PRKG1: variants seen among roughly 807,000 people sequenced by gnomAD.
PRKG1 encodes the protein cGMP-dependent protein kinase 1.
PRKG1 carries 35 observed loss-of-function variants against 88.1 expected under a neutral mutation model. The ratio of observed to expected loss-of-function variants is 0.40; its 90% CI spans 0.30 to 0.53. The LOEUF is 0.53. Among genes scored for constraint, PRKG1 ranks in the 20% least tolerant of loss-of-function variants. The probability of loss-of-function intolerance (pLI) is 0.59; values close to 1 mark genes in which losing one functional copy is unlikely to be tolerated. For missense variants in PRKG1, 540 were observed against 839.8 expected, an observed-to-expected ratio of 0.64 and a Z score of 4.41; for synonymous variants, 303 against 292.5, an observed-to-expected ratio of 1.04 and a Z score of -0.37.
chr10:52,035,997 G>T (rs1259434276), intron 5 of PRKG1, among the ~76,000 whole-genome samples: 1 of 152,188 alleles, frequency 6.6e-6, no homozygotes, highest in African/African-American at 2.4e-5. Flanking sequence ...TGTAGAAGGT[G>T]CTTGGGTTTG....
At chr10:51,403,009 T>C (rs1837796103) in intron 2 of PRKG1, among the ~76,000 whole-genome samples, 1 of 152,202 alleles carries the variant, frequency 6.6e-6, no homozygotes, top group African/African-American at 2.4e-5. Flanking sequence ...TGTTTTGTCA[T>C]GGAATAGCAC....
chr10:51,437,358 C>T (rs1057478638), intron 2 of PRKG1, among the ~76,000 whole-genome samples: 6 of 152,080 alleles, frequency 3.9e-5, no homozygotes, highest in South Asian at 4.1e-4. Flanking sequence ...GAGATATACA[C>T]ACGGGCAAAC....
intron 2 of PRKG1, among the ~76,000 whole-genome samples, chr10:51,464,315 T>C (rs1839826040): frequency 6.6e-6 from 1 of 152,054 alleles, no homozygotes; most frequent in South Asian, 2.1e-4. Flanking sequence ...TGGATCATTC[T>C]CATCTATCAT....
rs73342950 is a variant in PRKG1 at position 52,108,325 on chromosome 10, G to T, written c.936-25515G>T. ...AGAAGTAATGGCTTTCAATCTGTAT[G>T]ATAGTTAGTGACATAACCTTTTGAG... On this transcript the variant is annotated intron_variant, in intron 7 of 17. Coordinates refer to ENST00000373980, the MANE Select transcript of PRKG1 (RefSeq NM_006258.4). Among the ~76,000 whole-genome samples, 1,361 of 152,298 alleles carry T rather than the reference G, an allele frequency of 8.9e-3. 27 individuals carry two copies. Among genetic ancestry groups the T allele is most frequent in the African/African-American group, 0.031 (1,298 of 41,558 alleles).
intron 8 of PRKG1, among the ~76,000 whole-genome samples, chr10:52,145,975 A>T (rs1478108179): frequency 6.6e-6 from 1 of 152,174 alleles, no homozygotes; most frequent in African/African-American, 2.4e-5. Context: ...CTACAGTCAT[A>T]TAATTGAATT....
chr10:50,994,830 AT>A (rs1842820761), intron 1 of PRKG1, among the ~76,000 whole-genome samples: 1 of 145,058 alleles, frequency 6.9e-6, no homozygotes, highest in Non-Finnish European at 1.5e-5. Flanking sequence ...AAAAAAAAGA[AT>A]GATTGTGCCT....
intron 2 of PRKG1, among the ~76,000 whole-genome samples, chr10:51,345,802 C>T (rs1842101136): frequency 6.6e-6 from 1 of 152,150 alleles, no homozygotes; most frequent in Admixed American, 6.5e-5. Flanking sequence ...ATGAGAGGAA[C>T]ATGAAAGTAA....
intron 10 of PRKG1, chr10:52,252,422 C>T (rs1489333746): frequency 2.0e-5 from 3 of 152,122 alleles, no homozygotes; most frequent in South Asian, 2.1e-4. Context: ...CATTTCAAGA[C>T]GGTGTGGCTA....
intron 5 of PRKG1, among the ~76,000 whole-genome samples, chr10:52,002,806 C>G (rs1010509587): frequency 1.3e-5 from 2 of 152,166 alleles, no homozygotes; most frequent in Non-Finnish European, 2.9e-5. Context: ...TTTTTTCTTG[C>G]ACTTTTTCAG....
intron 2 of PRKG1, among the ~76,000 whole-genome samples, chr10:51,378,125 C>G (rs1407837109): frequency 6.6e-6 from 1 of 152,176 alleles, no homozygotes; most frequent in Non-Finnish European, 1.5e-5. Flanking sequence ...TTCCTCTAGT[C>G]TGCAAGAAGT....
At chr10:51,908,370 G>C (rs1842131211) in intron 5 of PRKG1, 1 of 152,116 alleles carries the variant, frequency 6.6e-6, no homozygotes, top group Non-Finnish European at 1.5e-5. Context: ...TGTCATACAG[G>C]AATAGTGTAT....
At chr10:51,413,292 G>A (rs996571518) in intron 2 of PRKG1, among the ~76,000 whole-genome samples, 2 of 151,944 alleles carry the variant, frequency 1.3e-5, no homozygotes, top group African/African-American at 4.8e-5. Context: ...ACACAAGTGG[G>A]AAGAGTTATA....
chr10:51,080,700 G>A (rs1470108346), intron 1 of PRKG1, among the ~76,000 whole-genome samples: 2 of 152,168 alleles, frequency 1.3e-5, no homozygotes, highest in Non-Finnish European at 2.9e-5. Context: ...TCACATCCTT[G>A]GCATTTTGTA....
intron 1 of PRKG1, among the ~76,000 whole-genome samples, chr10:51,043,168 G>T (rs1843446232): frequency 6.6e-6 from 1 of 152,266 alleles, no homozygotes; most frequent in South Asian, 2.1e-4. Flanking sequence ...GGGTGACCTT[G>T]AGTGAGGGTA....
intron 3 of PRKG1, among the ~76,000 whole-genome samples, chr10:51,728,088 C>T (rs957130653): frequency 1.1e-4 from 16 of 152,052 alleles, no homozygotes; most frequent in African/African-American, 3.9e-4. Context: ...AAAGGTCATG[C>T]GCACAGAAGA....
intron 3 of PRKG1, among the ~76,000 whole-genome samples, chr10:51,519,100 T>A (rs1241038142): frequency 6.6e-6 from 1 of 152,216 alleles, no homozygotes; most frequent in African/African-American, 2.4e-5. Context: ...GAAGTTTGAA[T>A]CATTCAACTT....
intron 2 of PRKG1, among the ~76,000 whole-genome samples, chr10:51,347,728 G>A (rs911523148): frequency 6.6e-6 from 1 of 151,966 alleles, no homozygotes; most frequent in Non-Finnish European, 1.5e-5. Flanking sequence ...GATTCTCAGT[G>A]GTGTAACAGG....
At chr10:51,783,067 T>TA (rs895254620) in intron 3 of PRKG1, among the ~76,000 whole-genome samples, 16 of 152,032 alleles carry the variant, frequency 1.1e-4, no homozygotes, top group Non-Finnish European at 2.9e-5. Context: ...CTCTTAGTAT[T>TA]AAAAAAAGTC....
intron 9 of PRKG1, among the ~76,000 whole-genome samples, chr10:52,202,283 T>C (rs1009595302): frequency 4.6e-5 from 7 of 152,328 alleles, no homozygotes; most frequent in South Asian, 2.1e-4. Flanking sequence ...AAAATCCTTT[T>C]TGGCATCTAC....
Sources: gnomAD v4.1 joint callset for allele counts (sites outside exome capture counted in the v4.1 genomes callset) on GRCh38, gnomAD v4.1.1 for gene constraint, MANE v1.5 for transcripts, NCBI Gene and HGNC (gene_info 2026-07-23, HGNC 2026-07-21) for gene names.